Variants in RYR2 observed in about 807,000 individuals in gnomAD.
The protein encoded by RYR2 is cardiac muscle ryanodine receptor-calcium release channel.
RYR2 carries 227 observed loss-of-function variants against 601.1 expected under a neutral mutation model. That is an observed-to-expected ratio of 0.38 (90% CI 0.34 to 0.42). The LOEUF is 0.42. RYR2 is among the 10% of genes least tolerant of loss of function. The pLI, the probability that RYR2 is intolerant of heterozygous loss-of-function variation, is 1.00. For missense variants in RYR2, 4,646 were observed against 6,156.5 expected (o/e 0.75, Z 8.21); for synonymous variants, 2,223 against 2,175.1 (o/e 1.02, Z -0.61).
chr1:237,570,063 A>G (rs947734366), intron 29 of RYR2, among the ~76,000 whole-genome samples: 1 of 151,862 alleles, frequency 6.6e-6, no homozygotes, highest in Admixed American at 6.6e-5. Context: ...TAAAAAATAC[A>G]AAAAATTAGC....
chr1:237,206,194 G>A (rs7556438), intron 1 of RYR2, among the ~76,000 whole-genome samples: 6,880 of 152,192 alleles, frequency 0.045, 528 homozygotes, highest in African/African-American at 0.16. Flanking sequence ...CAGGGGGACC[G>A]TGAGCCACTA....
intron 54 of RYR2, among the ~76,000 whole-genome samples, chr1:237,659,027 G>T (rs1332705538): frequency 6.6e-6 from 1 of 152,202 alleles, no homozygotes; most frequent in Non-Finnish European, 1.5e-5. Flanking sequence ...CAGAGGAGTT[G>T]AGTTGAGATA....
In RYR2 at chr1:237,648,560, C is replaced by A. The variant is rs748581317; in HGVS notation, c.7459C>A (p.Leu2487Ile). ...TGAGGTTCAAGACTTCCTCCTCCATCTTCTTGAGGTTGGCTTTCTGCCAGA... is the reference window on the plus strand; with the variant it reads ...TGAGGTTCAAGACTTCCTCCTCCATATTCTTGAGGTTGGCTTTCTGCCAGA... ...GIEVQDFLLH[L>I]LEVGFLPDLR... is the part of the protein sequence containing the mutation. Residue 2487 changes from leucine (L) to isoleucine (I), a missense_variant, in exon 49 of 105, where the codon CTT becomes ATT. Physicochemically the swap from Leu to Ile is conservative, Grantham distance 5. This residue lies in a region of RYR2 where 1,497 missense variants were observed against 1,842.6 expected (regional missense o/e 0.81). Transcript: ENST00000366574. The A allele has an allele frequency of 5.3e-5, 86 of 1,611,294 alleles. No individual in the cohort carries two copies. The highest frequency in any genetic ancestry group is 7.0e-5 in the Non-Finnish European group (83 of 1,178,664).
chr1:237,153,449 C>T (rs907132940), intron 1 of RYR2, among the ~76,000 whole-genome samples: 1 of 152,224 alleles, frequency 6.6e-6, no homozygotes, highest in Admixed American at 6.5e-5. Context: ...CTTTATTACC[C>T]ATCATTATTC....
At chr1:237,190,059 TA>T (rs1679804825) in intron 1 of RYR2, among the ~76,000 whole-genome samples, 1 of 151,944 alleles carries the variant, frequency 6.6e-6, no homozygotes, top group Non-Finnish European at 1.5e-5. Context: ...TTTTTATTTT[TA>T]TTTTTTTTAG....
chr1:237,543,638 C>G (rs2148049038), intron 25 of RYR2, among the ~76,000 whole-genome samples: 1 of 152,224 alleles, frequency 6.6e-6, no homozygotes, highest in East Asian at 1.9e-4. Context: ...ACATCTTTCA[C>G]AATATAATGA....
chr1:237,213,994 C>T (rs1038750133), intron 1 of RYR2, among the ~76,000 whole-genome samples: 4 of 138,436 alleles, frequency 2.9e-5, no homozygotes, highest in African/African-American at 1.1e-4. Flanking sequence ...GATCTCAGCT[C>T]ACAACAACCT....
At chr1:237,353,102 G>A (rs1358879592) in intron 3 of RYR2, among the ~76,000 whole-genome samples, 1 of 152,160 alleles carries the variant, frequency 6.6e-6, no homozygotes, top group East Asian at 1.9e-4. Flanking sequence ...CATGTAAAAT[G>A]TATGGCTCAA....
At chr1:237,633,774 A>G (rs757199264) in intron 43 of RYR2, 64 bp downstream of exon 43, 17 of 1,476,608 alleles carry the variant, frequency 1.2e-5, no homozygotes, top group Non-Finnish European at 1.5e-5. Context: ...TTTAAAAAGC[A>G]AACGTTTTGT....
At chr1:237,638,876 A>C (rs505489) in intron 45 of RYR2, 139 bp from the exon 46 acceptor site, 488,260 of 998,882 alleles carry the variant, frequency 0.49, 124,064 homozygotes, top group East Asian at 0.82. Context: ...GCTAGCAATT[A>C]GGATTACATT....
intron 3 of RYR2, among the ~76,000 whole-genome samples, chr1:237,333,203 A>G (rs75310728): frequency 0.012 from 1,901 of 152,346 alleles, 16 homozygotes; most frequent in East Asian, 0.032. Context: ...AAAAACTGCT[A>G]CAAGGAATAA....
chr1:237,453,279 G>T (rs1197276982), intron 14 of RYR2, among the ~76,000 whole-genome samples: 1 of 152,000 alleles, frequency 6.6e-6, no homozygotes, highest in African/African-American at 2.4e-5. Flanking sequence ...AGAATTTCAG[G>T]CAAAAACTTT....
At chr1:237,413,840 A>G (rs1309752823) in intron 10 of RYR2, among the ~76,000 whole-genome samples, 2 of 151,964 alleles carry the variant, frequency 1.3e-5, no homozygotes, top group Non-Finnish European at 2.9e-5. Flanking sequence ...TACATGTTTT[A>G]TTTAATAATT....
chr1:237,528,179 T>C (rs540397548), intron 24 of RYR2, among the ~76,000 whole-genome samples: 1 of 152,272 alleles, frequency 6.6e-6, no homozygotes, highest in Admixed American at 6.5e-5. Context: ...TATTCTCAAC[T>C]TAATAAGGGA....
chr1:237,833,835 G>C lies in RYR2; in HGVS notation c.*1188G>C, dbSNP rs951921491. On this transcript the variant is annotated 3_prime_UTR_variant, in exon 105 of 105. Coordinates refer to ENST00000366574, the MANE Select transcript of RYR2 (RefSeq NM_001035.3). ...TACATCACTCCATTTTTTCCATTTT[G>C]AGTCCTTTTAAATGTAATGCTAACC... 2.6e-5 allele frequency: 4 copies of C among 152,492 alleles called. No individual in the cohort carries two copies. Among genetic ancestry groups the C allele is most frequent in the Non-Finnish European group, 5.9e-5 (4 of 68,002 alleles). The allele number at this position is 152,492 out of a possible 1,614,324, so 9.4% of individuals were successfully genotyped here.
chr1:237,354,895 G>A (rs1428630656), intron 3 of RYR2, among the ~76,000 whole-genome samples: 1 of 151,998 alleles, frequency 6.6e-6, no homozygotes, highest in East Asian at 1.9e-4. Context: ...GTAACCTATT[G>A]GATTTCATTA....
At chr1:237,418,809 A>C (rs1705268173) in intron 11 of RYR2, among the ~76,000 whole-genome samples, 1 of 152,048 alleles carries the variant, frequency 6.6e-6, no homozygotes, top group African/African-American at 2.4e-5. Context: ...TTAATAACTA[A>C]TTGAAAACAT....
intron 21 of RYR2, among the ~76,000 whole-genome samples, chr1:237,501,653 G>A (rs189361809): frequency 3.3e-4 from 51 of 152,242 alleles, no homozygotes; most frequent in African/African-American, 1.0e-3. Flanking sequence ...ATAATTCCTA[G>A]TTACAAAAGC....
chr1:237,744,596 C>T (rs1018797343), intron 80 of RYR2, among the ~76,000 whole-genome samples: 3 of 151,842 alleles, frequency 2.0e-5, no homozygotes, highest in African/African-American at 7.3e-5. Flanking sequence ...AAGGAGGTTG[C>T]AGTGAGCCGA....
Sources: allele counts gnomAD v4.1 joint callset (sites outside exome capture counted in the v4.1 genomes callset), GRCh38; gene constraint gnomAD v4.1.1; regional missense constraint gnomAD v4.1.1; transcripts MANE v1.5; gene names NCBI Gene and HGNC (gene_info 2026-07-23, HGNC 2026-07-21).